VCAN: variants seen among roughly 807,000 people sequenced by gnomAD.
VCAN encodes versican.
In VCAN, 44 loss-of-function variants were observed where a neutral mutation model predicts 245.5. The observed-to-expected ratio is 0.18, with a 90% CI of 0.14 to 0.23. The LOEUF is 0.23. Ranked by LOEUF, VCAN falls within the 10% of genes least tolerant of loss-of-function variation. The pLI is 1.00. For synonymous variants in VCAN, 1,413 were observed against 1,437.0 expected, an observed-to-expected ratio of 0.98 and a Z score of 0.38; for missense variants, 3,793 against 4,057.9, an observed-to-expected ratio of 0.93 and a Z score of 1.77.
chr5:83,581,525 C>T lies in VCAN; in HGVS notation c.*1091C>T, dbSNP rs886060836. 14 of 152,070 alleles carry T rather than the reference C, an allele frequency of 9.2e-5. No homozygotes were observed. The highest frequency in any genetic ancestry group is 5.9e-5 in the Non-Finnish European group (4 of 68,010). 9.4% of individuals were successfully genotyped at this position (152,070 alleles called of 1,614,324 possible). On this transcript the variant is annotated 3_prime_UTR_variant, in exon 15 of 15. Coordinates refer to ENST00000265077, the MANE Select transcript of VCAN (RefSeq NM_004385.5). Reference sequence around the variant, plus strand: ...ATGCTAGTTATTTTTCAGTGTTAGCCTTTTACTTTCCTCACACAATTTGGA... The same window carrying T: ...ATGCTAGTTATTTTTCAGTGTTAGCTTTTTACTTTCCTCACACAATTTGGA...
intron 8 of VCAN, among the ~76,000 whole-genome samples, chr5:83,543,179 T>G (rs894578549): frequency 7.9e-5 from 12 of 152,192 alleles, no homozygotes; most frequent in African/African-American, 2.9e-4. Context: ...ACCAGGAATC[T>G]TGGAATATTT....
In VCAN at chr5:83,541,861, C is replaced by T; in HGVS notation, c.8858C>T (p.Thr2953Ile). 1.2e-6 allele frequency: 2 copies of T among 1,614,060 alleles called. No homozygotes were observed. The highest frequency in any genetic ancestry group is 2.2e-5 in the East Asian group (1 of 44,862). The change falls in exon 8 of 15, where the codon ACA (threonine) becomes ATA (isoleucine). Residue 2953 changes from threonine (T) to isoleucine (I), a missense_variant. Transcript: ENST00000265077. ...EAIKMFPTIK[T>I]PEAGTVITTA... The stretch of plus-strand genomic sequence containing the variant: ...ATCAAGATGTTTCCCACCATTAAAA[C>T]ACCTGAGGCTGGAACTGTTATTACA...
chr5:83,542,066 G>A lies in VCAN; in HGVS notation c.9063G>A (p.Gly3021=). The change falls in exon 8 of 15, where the codon GGG becomes GGA. Residue 3021 remains glycine, a synonymous_variant. Transcript: ENST00000265077. ...NPETQAALIR[G]QDSTIAASEQ... ...AAACTCAAGCAGCTTTAATCAGAGG[G>A]CAGGATTCCACGATAGCAGCATCAG... 4 of 1,613,410 alleles carry A rather than the reference G, an allele frequency of 2.5e-6. No individual in the cohort carries two copies. The highest frequency in any genetic ancestry group is 3.4e-6 in the Non-Finnish European group (4 of 1,179,438).
At chr5:83,561,043 A>G (rs1256671725) in intron 12 of VCAN, among the ~76,000 whole-genome samples, 1 of 152,166 alleles carries the variant, frequency 6.6e-6, no homozygotes, top group Non-Finnish European at 1.5e-5. Flanking sequence ...TTCTGCAGAA[A>G]AAGCCCTGAC....
chr5:83,520,491 T>G lies in VCAN; in HGVS notation c.2185T>G (p.Ser729Ala). The G allele has an allele frequency of 6.2e-7, 1 of 1,613,998 alleles. No homozygotes were observed. The highest frequency in any genetic ancestry group is 8.5e-7 in the Non-Finnish European group (1 of 1,179,962). Residue 729 changes from serine to alanine, a missense_variant, in exon 7 of 15, where the codon TCT (serine) becomes GCT (alanine). Ser to Ala is a moderately conservative substitution (Grantham distance 99). Coordinates refer to ENST00000265077, the MANE Select transcript of VCAN (RefSeq NM_004385.5). Reference sequence around the variant, plus strand: ...CTTCTCTGGGATGAAACTCTCTACATCTCTCTCAGAGCCAATTCATGTTAC... The same window carrying G: ...CTTCTCTGGGATGAAACTCTCTACAGCTCTCTCAGAGCCAATTCATGTTAC... ...EVFSGMKLST[S>A]LSEPIHVTES...
chr5:83,555,006 C>T lies in VCAN; in HGVS notation c.9703C>T (p.His3235Tyr), dbSNP rs576854709. 6.2e-7 allele frequency: 1 copy of T among 1,613,706 alleles called. No individual in the cohort carries two copies. The highest frequency in any genetic ancestry group is 1.1e-5 in the South Asian group (1 of 91,076). The change falls in exon 12 of 15, where the codon CAT becomes TAT. Residue 3235 changes from histidine to tyrosine, a missense_variant. Around this residue, in one of 5 missense-constraint regions of VCAN, gnomAD observed 205 missense variants for 321.1 expected, o/e 0.64. Coordinates refer to ENST00000265077, the MANE Select transcript of VCAN (RefSeq NM_004385.5). ...WIGLNDKMFE[H>Y]DFRWTDGSTL... ...AGGCCTCAATGACAAGATGTTTGAG[C>T]ATGACTTCCGTTGGACTGATGGCAG...
At chr5:83,554,819 A>AT (rs1283578549) in intron 11 of VCAN, 137 bp from the exon 12 acceptor site, 3 of 814,966 alleles carry the variant, frequency 3.7e-6, no homozygotes, top group East Asian at 2.8e-5. Context: ...ACTAGGAGAG[A>AT]TTTTTATGAG....
chr5:83,485,571 A>C (rs1744765509), intron 2 of VCAN, among the ~76,000 whole-genome samples: 1 of 152,172 alleles, frequency 6.6e-6, no homozygotes, highest in East Asian at 1.9e-4. Context: ...GATATCATTT[A>C]GGAGGTTATT....
At chr5:83,542,401 C>A in intron 8 of VCAN, 133 bp downstream of exon 8, 1 of 974,778 alleles carries the variant, frequency 1.0e-6, no homozygotes, top group Non-Finnish European at 1.6e-6. Context: ...TAACAGCAGG[C>A]CAGGCCACAG....
intron 6 of VCAN, among the ~76,000 whole-genome samples, chr5:83,513,780 T>A (rs1024540057): frequency 6.6e-6 from 1 of 152,230 alleles, no homozygotes; most frequent in Non-Finnish European, 1.5e-5. Context: ...ATTTTTCAAG[T>A]ACTTCAGGCT....
At chr5:83,532,728 A>G (rs1746568948) in intron 7 of VCAN, among the ~76,000 whole-genome samples, 1 of 152,088 alleles carries the variant, frequency 6.6e-6, no homozygotes, top group African/African-American at 2.4e-5. Flanking sequence ...AAAATTCAAT[A>G]AAACCATTTG....
intron 2 of VCAN, among the ~76,000 whole-genome samples, chr5:83,484,299 C>T (rs944973666): frequency 7.2e-5 from 11 of 152,278 alleles, no homozygotes; most frequent in African/African-American, 2.6e-4. Flanking sequence ...AGTCATCCAT[C>T]TATTCATTAC....
intron 7 of VCAN, among the ~76,000 whole-genome samples, chr5:83,523,595 A>G (rs964769073): frequency 6.6e-6 from 1 of 152,124 alleles, no homozygotes; most frequent in Non-Finnish European, 1.5e-5. Flanking sequence ...CATGGCTTCT[A>G]TAGGTTTCTA....
At chr5:83,544,892 G>A (rs932583522) in intron 8 of VCAN, 3 of 152,124 alleles carry the variant, frequency 2.0e-5, no homozygotes, top group African/African-American at 7.2e-5. Context: ...TTCATTTTAG[G>A]TGAGGTTTTT....
At chr5:83,491,005 A>C (rs141913703) in intron 3 of VCAN, among the ~76,000 whole-genome samples, 1 of 152,224 alleles carries the variant, frequency 6.6e-6, no homozygotes, top group African/African-American at 2.4e-5. Context: ...ACCATGGTAC[A>C]TATCAGAGTC....
rs1398951571 is a variant in VCAN at position 83,540,365 on chromosome 5, AAGC to A, written c.7367_7369del (p.Ser2456del). ...CAACTACTCAGGCAACCAGACAAGAAAGCAGCACCACATTTGTTTCTGATGGGT... is the reference window on the plus strand; with the variant it reads ...CAACTACTCAGGCAACCAGACAAGAAAGCACCACATTTGTTTCTGATGGGT... On this transcript the variant is annotated inframe_deletion, in exon 8 of 15. Coordinates refer to ENST00000265077, the MANE Select transcript of VCAN (RefSeq NM_004385.5). 6 of 1,614,068 alleles carry A rather than the reference AAGC, an allele frequency of 3.7e-6. No homozygotes were observed. In the Admixed American group the frequency reaches 1.0e-4, roughly 27 times the overall value.
intron 8 of VCAN, chr5:83,544,893 T>A (rs930496892): frequency 8.5e-5 from 13 of 152,122 alleles, no homozygotes; most frequent in African/African-American, 3.1e-4. Context: ...TCATTTTAGG[T>A]GAGGTTTTTG....
In VCAN at chr5:83,540,441, G is replaced by A; in HGVS notation, c.7438G>A (p.Asp2480Asn). The A allele has an allele frequency of 6.2e-7, 1 of 1,614,004 alleles. No homozygotes were observed. Residue 2480 changes from aspartate to asparagine, a missense_variant, in exon 8 of 15, where the codon GAT becomes AAT. By Grantham distance (23) the Asp-to-Asn change is conservative. Around this residue, in one of 5 missense-constraint regions of VCAN, gnomAD observed 3,182 missense variants for 3,250.3 expected, o/e 0.98. Coordinates refer to ENST00000265077, the MANE Select transcript of VCAN (RefSeq NM_004385.5). ...EVPSAKAVTA[D>N]GFPTVSVMLP... is the part of the protein sequence containing the mutation. ...GCCAAGCGCTAAAGCTGTTACTGCTGATGGATTCCCAACAGTTTCAGTGAT... is the reference window on the plus strand; with the variant it reads ...GCCAAGCGCTAAAGCTGTTACTGCTAATGGATTCCCAACAGTTTCAGTGAT...
chr5:83,512,616 T>G, intron 6 of VCAN: 3 of 559,536 alleles, frequency 5.4e-6, no homozygotes, highest in Admixed American at 3.3e-5. Flanking sequence ...GGTGAGGAAA[T>G]ATCAGGTTAA....
Sources: gnomAD v4.1 joint callset for allele counts (sites outside exome capture counted in the v4.1 genomes callset) on GRCh38, gnomAD v4.1.1 for gene constraint, gnomAD v4.1.1 regional missense constraint, MANE v1.5 for transcripts, NCBI Gene and HGNC (gene_info 2026-07-23, HGNC 2026-07-21) for gene names.